The following IKZF2 variants were observed in gnomAD, a reference collection of about 807,000 sequenced individuals.
IKZF2 encodes IKAROS family zinc finger 2.
IKZF2 carries 15 observed loss-of-function variants against 49.2 expected under a neutral mutation model. The ratio of observed to expected loss-of-function variants is 0.30; its 90% CI spans 0.20 to 0.47. The LOEUF (loss-of-function observed/expected upper bound fraction) is 0.47. Ranked by LOEUF, IKZF2 falls within the 20% of genes least tolerant of loss-of-function variation. The pLI, the probability that IKZF2 is intolerant of heterozygous loss-of-function variation, is 1.00. For synonymous variants in IKZF2, 227 were observed against 221.4 expected (o/e 1.03, Z -0.23); for missense variants, 567 against 664.6 (o/e 0.85, Z 1.61).
At position 213,121,818 on chromosome 2, in the gene IKZF2, A is replaced by C. The variant is rs1218387537; in HGVS notation, c.139+25890T>G. On this transcript the variant is annotated intron_variant, in intron 4 of 8. Transcript: ENST00000434687. ...AGTTCCTTCTCAGTTTGGTTAGAAC[A>C]GCACACTAATCAGCTGTTGAAATCT... Among the ~76,000 whole-genome samples, 4 of 152,360 alleles carry C rather than the reference A, an allele frequency of 2.6e-5. No homozygotes were observed. In the East Asian group the frequency reaches 7.7e-4, roughly 29 times the overall value.
At chr2:213,021,895 G>A (rs922351506) in intron 7 of IKZF2, 98 bp downstream of exon 7, 1 of 1,278,762 alleles carries the variant, frequency 7.8e-7, no homozygotes, top group Non-Finnish European at 1.1e-6. Flanking sequence ...AAGTTAAAGT[G>A]ATCTAAAATA....
chr2:213,115,881 C>T (rs1165902294), intron 4 of IKZF2, among the ~76,000 whole-genome samples: 5 of 151,608 alleles, frequency 3.3e-5, no homozygotes, highest in Admixed American at 3.3e-4. Context: ...AATAATTAGC[C>T]ACCCCATTAT....
chr2:213,099,723 T>C (rs1706432136), intron 4 of IKZF2, among the ~76,000 whole-genome samples: 1 of 152,158 alleles, frequency 6.6e-6, no homozygotes, highest in Admixed American at 6.6e-5. Context: ...CATGTTTTAA[T>C]GTTAGCTTTT....
Position 213,009,769 on chromosome 2 carries a change from C to A in IKZF2, c.857-1685G>T, listed in dbSNP as rs150866632. On this transcript the variant is annotated intron_variant, in intron 8 of 8. Coordinates refer to ENST00000434687, the MANE Select transcript of IKZF2 (RefSeq NM_001387220.1). ...AAATAAGAGGAATATTTAGCTCATA[C>A]CAGGGGACTAAAGGAACACTTCTTG... 2.6e-5 allele frequency among the ~76,000 whole-genome samples: 4 copies of A among 151,922 alleles called. No homozygotes were observed. The East Asian group carries it at 7.8e-4, about 29-fold the overall frequency.
intron 8 of IKZF2, among the ~76,000 whole-genome samples, chr2:213,008,765 T>G (rs1308924883): frequency 6.6e-6 from 1 of 152,014 alleles, no homozygotes; most frequent in Non-Finnish European, 1.5e-5. Context: ...TTTTAAACAT[T>G]AGTGACCAAG....
intron 4 of IKZF2, among the ~76,000 whole-genome samples, chr2:213,146,725 G>A (rs1345555204): frequency 8.4e-6 from 1 of 118,942 alleles, no homozygotes; most frequent in Non-Finnish European, 1.6e-5. Flanking sequence ...TCATAATTAA[G>A]TACATGATTC....
At chr2:213,062,627 T>C (rs974686088) in intron 4 of IKZF2, among the ~76,000 whole-genome samples, 1 of 151,902 alleles carries the variant, frequency 6.6e-6, no homozygotes, top group Non-Finnish European at 1.5e-5. Flanking sequence ...GTAAGTGGAC[T>C]TTTTATATGG....
At chr2:213,124,233 C>A (rs1181647444) in intron 4 of IKZF2, among the ~76,000 whole-genome samples, 1 of 121,878 alleles carries the variant, frequency 8.2e-6, no homozygotes, top group South Asian at 2.8e-4. Flanking sequence ...TGCACGCACA[C>A]ATGCGCTCGC....
chr2:213,005,202 G>T lies in IKZF2; in HGVS notation c.*2158C>A, dbSNP rs1255899950. 4 of 145,320 alleles carry T rather than the reference G, an allele frequency of 2.8e-5. No homozygotes were observed. Among genetic ancestry groups the T allele is most frequent in the Non-Finnish European group, 4.6e-5 (3 of 65,604 alleles). 9.0% of individuals were successfully genotyped at this position (145,320 alleles called of 1,614,324 possible). ...TGGGAGTGGTTGGGTGGGGGGGGGT[G>T]AGCGAGTCTCAAAAACATGCTTTAT... On this transcript the variant is annotated 3_prime_UTR_variant, in exon 9 of 9. Transcript: ENST00000434687.
chr2:213,017,008 T>G (rs1198124901), intron 7 of IKZF2: 1 of 152,078 alleles, frequency 6.6e-6, no homozygotes, highest in Non-Finnish European at 1.5e-5. Context: ...AACAGATGTC[T>G]TCTATATTGT....
chr2:213,117,522 C>T (rs1456140981), intron 4 of IKZF2, among the ~76,000 whole-genome samples: 1 of 152,142 alleles, frequency 6.6e-6, no homozygotes, highest in African/African-American at 2.4e-5. Context: ...AAATGCTAGG[C>T]ACAAGGAGCT....
At chr2:213,106,259 TG>T (rs1559281589) in intron 4 of IKZF2, among the ~76,000 whole-genome samples, 1 of 152,188 alleles carries the variant, frequency 6.6e-6, no homozygotes, top group East Asian at 1.9e-4. Context: ...AAGAAAATTA[TG>T]GAAAGACGGC....
At chr2:213,110,026 C>T (rs1053842566) in intron 4 of IKZF2, among the ~76,000 whole-genome samples, 1 of 151,982 alleles carries the variant, frequency 6.6e-6, no homozygotes, top group South Asian at 2.1e-4. Flanking sequence ...AAGGAATCTA[C>T]ATCTAAATTG....
At chr2:213,108,199 A>G (rs1403639619) in intron 4 of IKZF2, among the ~76,000 whole-genome samples, 2 of 152,230 alleles carry the variant, frequency 1.3e-5, no homozygotes, top group Non-Finnish European at 2.9e-5. Flanking sequence ...TAAGGACTAT[A>G]TAAGATGTAG....
intron 4 of IKZF2, among the ~76,000 whole-genome samples, chr2:213,117,127 G>GA (rs1433911925): frequency 6.6e-6 from 1 of 151,928 alleles, no homozygotes; most frequent in Non-Finnish European, 1.5e-5. Flanking sequence ...GCTGAACAGC[G>GA]AAAGAAATTA....
chr2:213,116,855 C>T (rs2059895386), intron 4 of IKZF2, among the ~76,000 whole-genome samples: 1 of 152,102 alleles, frequency 6.6e-6, no homozygotes, highest in Non-Finnish European at 1.5e-5. Flanking sequence ...CCTTAATTAA[C>T]CTGCATTCAT....
intron 4 of IKZF2, among the ~76,000 whole-genome samples, chr2:213,079,182 G>A (rs1217998925): frequency 2.0e-5 from 3 of 151,924 alleles, no homozygotes; most frequent in African/African-American, 7.3e-5. Flanking sequence ...GGTTCAAGAC[G>A]AGCCTGGGCA....
At chr2:213,092,517 T>C (rs1418109981) in intron 4 of IKZF2, among the ~76,000 whole-genome samples, 1 of 152,152 alleles carries the variant, frequency 6.6e-6, no homozygotes. Flanking sequence ...TTCACAAGGC[T>C]ACTGGTCTTT....
At chr2:213,135,100 T>C (rs16849839) in intron 4 of IKZF2, among the ~76,000 whole-genome samples, 5,961 of 152,282 alleles carry the variant, frequency 0.039, 224 homozygotes, top group African/African-American at 0.1. Context: ...ATAGTTTTAA[T>C]GTAAAAAATT....
Sources: allele counts gnomAD v4.1 joint callset (sites outside exome capture counted in the v4.1 genomes callset), GRCh38; gene constraint gnomAD v4.1.1; transcripts MANE v1.5; gene names NCBI Gene and HGNC (gene_info 2026-07-23, HGNC 2026-07-21).